SLC25A21: variants seen among roughly 807,000 people sequenced by gnomAD.
The protein encoded by SLC25A21 is mitochondrial 2-oxodicarboxylate carrier.
Under a neutral mutation model 43.8 loss-of-function variants are expected in SLC25A21, and 47 were observed. That is an observed-to-expected ratio of 1.07 (90% CI 0.85 to 1.37). The LOEUF (loss-of-function observed/expected upper bound fraction) is 1.37, where lower values mean the gene tolerates loss of function less well. Among genes scored for constraint, SLC25A21 ranks in the 40% most tolerant of loss-of-function variants. SLC25A21 has a pLI of 0.00. For missense variants in SLC25A21, 352 were observed against 350.2 expected (o/e 1.00, Z -0.04); for synonymous variants, 131 against 121.3 (o/e 1.08, Z -0.52).
intron 3 of SLC25A21, among the ~76,000 whole-genome samples, chr14:36,762,118 A>G (rs904526035): frequency 2.0e-5 from 3 of 152,242 alleles, no homozygotes; most frequent in African/African-American, 7.2e-5. Context: ...CACCAATGCT[A>G]GCCAGACCTC....
At chr14:36,755,091 A>T (rs1885872817) in intron 3 of SLC25A21, among the ~76,000 whole-genome samples, 1 of 152,258 alleles carries the variant, frequency 6.6e-6, no homozygotes, top group Non-Finnish European at 1.5e-5. Flanking sequence ...AGAAAATGAA[A>T]CAAAGAATTC....
intron 1 of SLC25A21, among the ~76,000 whole-genome samples, chr14:36,941,370 T>C (rs1048338830): frequency 3.3e-5 from 5 of 152,162 alleles, no homozygotes; most frequent in African/African-American, 1.2e-4. Flanking sequence ...GACTTACACA[T>C]TGACTTTTTT....
intron 1 of SLC25A21, among the ~76,000 whole-genome samples, chr14:36,904,690 AAG>A (rs1204887904): frequency 1.3e-5 from 2 of 152,198 alleles, no homozygotes; most frequent in South Asian, 2.1e-4. Context: ...ACAATGTGGC[AAG>A]AGAGAGTGTG....
Position 37,158,296 on chromosome 14 carries a change from C to A in SLC25A21, c.70+13985G>T, listed in dbSNP as rs377362935. Among the ~76,000 whole-genome samples the A allele has an allele frequency of 7.2e-4, 110 of 152,230 alleles. 1 individual carries two copies. The South Asian group carries it at 0.022, about 30-fold the overall frequency. ...AGAACAAAAAGAGTAAACTACAAGCCAATGTCCCTAATGAACATAGACATA... is the reference window on the plus strand; with the variant it reads ...AGAACAAAAAGAGTAAACTACAAGCAAATGTCCCTAATGAACATAGACATA... On this transcript the variant is annotated intron_variant, in intron 1 of 9. Coordinates refer to ENST00000331299, the MANE Select transcript of SLC25A21 (RefSeq NM_030631.4).
intron 1 of SLC25A21, among the ~76,000 whole-genome samples, chr14:36,901,663 G>T (rs1016096308): frequency 1.3e-5 from 2 of 152,022 alleles, no homozygotes; most frequent in Non-Finnish European, 2.9e-5. Flanking sequence ...GTGGAAAATT[G>T]TATCTAACAA....
intron 1 of SLC25A21, among the ~76,000 whole-genome samples, chr14:36,928,326 T>A (rs1411979627): frequency 6.6e-6 from 1 of 152,228 alleles, no homozygotes; most frequent in Non-Finnish European, 1.5e-5. Flanking sequence ...GCATTAAACA[T>A]GATCGTTTTG....
At chr14:36,954,478 C>T (rs1959280780) in intron 1 of SLC25A21, among the ~76,000 whole-genome samples, 1 of 141,974 alleles carries the variant, frequency 7.0e-6, no homozygotes, top group Non-Finnish European at 1.6e-5. Context: ...ATAAGGAAAA[C>T]ACATACATAC....
chr14:36,760,833 G>A (rs1886128103), intron 3 of SLC25A21, among the ~76,000 whole-genome samples: 1 of 151,940 alleles, frequency 6.6e-6, no homozygotes. Flanking sequence ...GGGTGGAGGG[G>A]GAAAGGGAAG....
chr14:36,799,970 A>G (rs1887811952), intron 3 of SLC25A21, among the ~76,000 whole-genome samples: 1 of 152,226 alleles, frequency 6.6e-6, no homozygotes, highest in Non-Finnish European at 1.5e-5. Flanking sequence ...CTACCAGCGA[A>G]CACTAGAAGG....
intron 1 of SLC25A21, 32 bp downstream of exon 1, chr14:37,172,249 G>T: frequency 4.5e-6 from 7 of 1,563,984 alleles, no homozygotes; most frequent in Non-Finnish European, 6.1e-6. Flanking sequence ...AAAGCGACTA[G>T]CCTCCGGCGG....
At position 36,890,131 on chromosome 14, in the gene SLC25A21, G is replaced by A. The variant is rs1023685783; in HGVS notation, c.71-15127C>T. Among the ~76,000 whole-genome samples the A allele has an allele frequency of 2.0e-5, 3 of 152,138 alleles. No individual in the cohort carries two copies. The East Asian group carries it at 5.8e-4, about 29-fold the overall frequency. On this transcript the variant is annotated intron_variant, in intron 1 of 9. Transcript: ENST00000331299. ...AGAGTGAGGATAAGGAAGGGGATTTGGAGAGAGCAGGGGGAGGTATGAAAT... is the reference window on the plus strand; with the variant it reads ...AGAGTGAGGATAAGGAAGGGGATTTAGAGAGAGCAGGGGGAGGTATGAAAT...
At chr14:36,832,974 A>G (rs1889088705) in intron 2 of SLC25A21, among the ~76,000 whole-genome samples, 2 of 152,210 alleles carry the variant, frequency 1.3e-5, no homozygotes, top group African/African-American at 4.8e-5. Context: ...TTTGCTTAAA[A>G]TTGGAAAAAA....
intron 3 of SLC25A21, among the ~76,000 whole-genome samples, chr14:36,787,594 AAC>A (rs1198353834): frequency 1.3e-5 from 2 of 152,198 alleles, no homozygotes; most frequent in African/African-American, 2.4e-5. Flanking sequence ...TTTTATATTA[AAC>A]ACAATTCATT....
intron 1 of SLC25A21, among the ~76,000 whole-genome samples, chr14:37,051,450 G>T (rs1961704434): frequency 6.6e-6 from 1 of 152,108 alleles, no homozygotes. Context: ...TTTACAAAAA[G>T]TTTTTCATTT....
intron 1 of SLC25A21, among the ~76,000 whole-genome samples, chr14:36,914,005 T>G (rs1318141254): frequency 6.6e-6 from 1 of 152,200 alleles, no homozygotes; most frequent in African/African-American, 2.4e-5. Flanking sequence ...CATCGAACTA[T>G]TATAATTATA....
chr14:36,752,089 G>C (rs1008350816), intron 3 of SLC25A21, among the ~76,000 whole-genome samples: 2 of 152,170 alleles, frequency 1.3e-5, no homozygotes, highest in Non-Finnish European at 2.9e-5. Flanking sequence ...CTGCTGGGGA[G>C]CCAGGCGAAG....
intron 3 of SLC25A21, among the ~76,000 whole-genome samples, chr14:36,766,100 G>C (rs888150594): frequency 1.3e-4 from 20 of 151,146 alleles, no homozygotes; most frequent in Admixed American, 8.6e-4. Flanking sequence ...CTAGACTCCT[G>C]CAATAGCCTA....
intron 2 of SLC25A21, among the ~76,000 whole-genome samples, chr14:36,860,844 T>C (rs1472709198): frequency 6.6e-6 from 1 of 152,190 alleles, no homozygotes; most frequent in Non-Finnish European, 1.5e-5. Context: ...AAAACAGAAA[T>C]GCATATCCCA....
intron 1 of SLC25A21, among the ~76,000 whole-genome samples, chr14:37,056,924 C>T (rs1419230504): frequency 6.6e-6 from 1 of 152,070 alleles, no homozygotes; most frequent in Non-Finnish European, 1.5e-5. Flanking sequence ...TCATTTTTCT[C>T]CCTAGAAGCC....
Sources: allele counts gnomAD v4.1 joint callset (sites outside exome capture counted in the v4.1 genomes callset), GRCh38; gene constraint gnomAD v4.1.1; transcripts MANE v1.5; gene names NCBI Gene and HGNC (gene_info 2026-07-23, HGNC 2026-07-21).